ARB2A: variants seen among roughly 807,000 people sequenced by gnomAD.
The protein encoded by ARB2A is cotranscriptional regulator ARB2A.
chr5:93,913,413 C>T, the ARB2A span, among the ~76,000 whole-genome samples: 9 of 152,002 alleles, frequency 5.9e-5, no homozygotes, highest in Middle Eastern at 6.8e-3. Context: ...TTCTTGCAAG[C>T]GTCCCCTTTT....
chr5:93,686,024 G>T, the ARB2A span, among the ~76,000 whole-genome samples: 2 of 152,052 alleles, frequency 1.3e-5, no homozygotes, highest in African/African-American at 4.8e-5. Context: ...TATGTGTTAG[G>T]CATCAGCTAA....
chr5:94,092,172 C>CAA, the ARB2A span, among the ~76,000 whole-genome samples: 82 of 129,954 alleles, frequency 6.3e-4, no homozygotes, highest in Admixed American at 1.1e-3. Flanking sequence ...CTTGTCTTTC[C>CAA]AAAAAAAAAA....
chr5:94,081,232 T>C, the ARB2A span, among the ~76,000 whole-genome samples: 1 of 152,204 alleles, frequency 6.6e-6, no homozygotes, highest in African/African-American at 2.4e-5. Flanking sequence ...ATATTGCTAG[T>C]GTGACAACAA....
the ARB2A span, among the ~76,000 whole-genome samples, chr5:93,681,902 A>G: frequency 6.6e-6 from 1 of 152,122 alleles, no homozygotes; most frequent in Non-Finnish European, 1.5e-5. Flanking sequence ...ATATTAACTA[A>G]TTTTTCCAAA....
At chr5:93,960,766 A>G in the ARB2A span, among the ~76,000 whole-genome samples, 24 of 152,330 alleles carry the variant, frequency 1.6e-4, no homozygotes, top group Non-Finnish European at 3.5e-4. Flanking sequence ...AGAGCTATAC[A>G]ATGTTAAAGA....
the ARB2A span, among the ~76,000 whole-genome samples, chr5:93,816,651 A>T: frequency 2.0e-5 from 3 of 151,946 alleles, no homozygotes; most frequent in African/African-American, 4.8e-5. Context: ...ATTCCAATGG[A>T]GTAATATGGG....
the ARB2A span, among the ~76,000 whole-genome samples, chr5:93,929,556 C>T: frequency 6.6e-6 from 1 of 151,744 alleles, no homozygotes; most frequent in South Asian, 2.1e-4. Flanking sequence ...AAAAACATTG[C>T]TAAAAGAAAT....
At chr5:93,827,608 C>T in the ARB2A span, among the ~76,000 whole-genome samples, 3 of 151,908 alleles carry the variant, frequency 2.0e-5, no homozygotes, top group Non-Finnish European at 4.4e-5. Flanking sequence ...TCATTAGATC[C>T]CATTTGTCAA....
At chr5:93,673,671 CATT>C in the ARB2A span, among the ~76,000 whole-genome samples, 1 of 152,152 alleles carries the variant, frequency 6.6e-6, no homozygotes, top group African/African-American at 2.4e-5. Flanking sequence ...CCGCAAAAAG[CATT>C]CTCCAGGTGT....
the ARB2A span, among the ~76,000 whole-genome samples, chr5:93,883,217 T>A: frequency 4.6e-5 from 7 of 151,542 alleles, no homozygotes; most frequent in African/African-American, 1.7e-4. Context: ...ATGATAGGAC[T>A]ATTAATTAAG....
chr5:94,068,016 C>T, the ARB2A span, among the ~76,000 whole-genome samples: 1 of 152,154 alleles, frequency 6.6e-6, no homozygotes, highest in Admixed American at 6.6e-5. Flanking sequence ...CCTGTAATCC[C>T]AGCACTTTGG....
the ARB2A span, among the ~76,000 whole-genome samples, chr5:93,705,746 A>G: frequency 6.6e-6 from 1 of 151,880 alleles, no homozygotes; most frequent in African/African-American, 2.4e-5. Flanking sequence ...CAATTAAGCA[A>G]CTATTGGTCA....
the ARB2A span, among the ~76,000 whole-genome samples, chr5:93,921,014 T>C: frequency 6.6e-6 from 1 of 152,044 alleles, no homozygotes; most frequent in African/African-American, 2.4e-5. Context: ...CCACTAGTGA[T>C]GCTGGAAGTG....
chr5:93,622,356 A>T, the ARB2A span, among the ~76,000 whole-genome samples: 1 of 152,180 alleles, frequency 6.6e-6, no homozygotes, highest in Non-Finnish European at 1.5e-5. Flanking sequence ...TTTAGTCTGT[A>T]ATAGTAGGTC....
the ARB2A span, among the ~76,000 whole-genome samples, chr5:93,893,334 A>C: frequency 6.6e-6 from 1 of 152,248 alleles, no homozygotes; most frequent in East Asian, 1.9e-4. Context: ...AGACCTGAAG[A>C]AAATGTTGCC....
chr5:93,743,279 C>G, the ARB2A span: 1 of 152,358 alleles, frequency 6.6e-6, no homozygotes, highest in Non-Finnish European at 1.5e-5. Context: ...TGTGTGCCGG[C>G]TATGAGCAGG....
the ARB2A span, among the ~76,000 whole-genome samples, chr5:94,101,831 T>C: frequency 6.6e-6 from 1 of 151,960 alleles, no homozygotes; most frequent in Non-Finnish European, 1.5e-5. Context: ...GCAGAAAAGA[T>C]GACTATTGGG....
chr5:94,027,635 C>T, the ARB2A span, among the ~76,000 whole-genome samples: 3 of 152,176 alleles, frequency 2.0e-5, no homozygotes, highest in East Asian at 1.9e-4. Flanking sequence ...GCCAGTAGGG[C>T]GGTACACAGG....
At chr5:94,109,395 A>G in the ARB2A span, among the ~76,000 whole-genome samples, 1 of 152,204 alleles carries the variant, frequency 6.6e-6, no homozygotes, top group Non-Finnish European at 1.5e-5. Context: ...ATACTTAGTT[A>G]CCAATGACTA....
Sources: allele counts gnomAD v4.1 joint callset (sites outside exome capture counted in the v4.1 genomes callset), GRCh38; gene constraint gnomAD v4.1.1; transcripts MANE v1.5; gene names NCBI Gene and HGNC (gene_info 2026-07-23, HGNC 2026-07-21).